Variants in SMAD5 observed in about 807,000 individuals in gnomAD.
The protein encoded by SMAD5 is MAD, mothers against decapentaplegic homolog 5.
A neutral mutation model predicts 43.1 loss-of-function variants in SMAD5; 9 were observed. That is an observed-to-expected ratio of 0.21 (90% confidence interval 0.13 to 0.36). SMAD5 has a LOEUF of 0.36. Among genes scored for constraint, SMAD5 ranks in the 10% least tolerant of loss-of-function variants. The pLI is 1.00. For synonymous variants in SMAD5, 190 were observed against 192.4 expected, an observed-to-expected ratio of 0.99 and a Z score of 0.10; for missense variants, 348 against 574.0, an observed-to-expected ratio of 0.61 and a Z score of 4.02.
rs6886699 is a variant in SMAD5, at chr5:136,180,050, T to C, written c.*2570T>C. 0.34 allele frequency: 51,002 copies of C among 152,064 alleles called. 9,064 individuals carry two copies. Among genetic ancestry groups the C allele is most frequent in the African/African-American group, 0.46 (19,001 of 41,466 alleles). The allele number at this position is 152,064 out of a possible 1,614,324, so 9.4% of individuals were successfully genotyped here. Reference sequence around the variant, plus strand: ...TGACAGTACTAAAGCTATTAACAACTAAGAGTTTGACAGAGAACTATAAGC... The same window carrying C: ...TGACAGTACTAAAGCTATTAACAACCAAGAGTTTGACAGAGAACTATAAGC... On this transcript the variant is annotated 3_prime_UTR_variant, in exon 8 of 8. Coordinates refer to ENST00000545279, the MANE Select transcript of SMAD5 (RefSeq NM_005903.7).
intron 3 of SMAD5, among the ~76,000 whole-genome samples, chr5:136,159,120 A>T (rs1334127127): frequency 6.6e-6 from 1 of 152,226 alleles, no homozygotes; most frequent in Non-Finnish European, 1.5e-5. Context: ...AGTACACTTG[A>T]TTCAGCAATG....
chr5:136,174,753 G>A, intron 7 of SMAD5, 121 bp downstream of exon 7: 2 of 649,904 alleles, frequency 3.1e-6, no homozygotes, highest in South Asian at 2.2e-5. Context: ...GATTTAACAG[G>A]TTTTTAAATA....
Position 136,132,978 on chromosome 5 carries a change from C to A in SMAD5, c.-245+16C>A, listed in dbSNP as rs1457130856. 1.3e-5 allele frequency: 2 copies of A among 152,290 alleles called. No homozygotes were observed. The highest frequency in any genetic ancestry group is 4.8e-5 in the African/African-American group (2 of 41,456). The allele number at this position is 152,290 out of a possible 1,614,324, so 9.4% of individuals were successfully genotyped here. ...CGGCTCGCGAGTGAGTGAGGGTCCC[C>A]GGCGCGCGCGGGCGAGGGGAACTGG... On this transcript the variant is annotated intron_variant, in intron 1 of 7. Coordinates refer to ENST00000545279, the MANE Select transcript of SMAD5 (RefSeq NM_005903.7).
chr5:136,145,973 G>A (rs1163386467), intron 1 of SMAD5, among the ~76,000 whole-genome samples: 2 of 151,748 alleles, frequency 1.3e-5, no homozygotes, highest in African/African-American at 2.4e-5. Flanking sequence ...ACTTCTTTTA[G>A]CGACCTTTAT....
chr5:136,155,989 G>A (rs944784711), intron 3 of SMAD5, among the ~76,000 whole-genome samples: 1 of 152,164 alleles, frequency 6.6e-6, no homozygotes, highest in Admixed American at 6.5e-5. Flanking sequence ...CACAATGCAT[G>A]TTTATTACCT....
chr5:136,139,854 C>G (rs546495527), intron 1 of SMAD5, among the ~76,000 whole-genome samples: 22 of 152,016 alleles, frequency 1.4e-4, no homozygotes, highest in African/African-American at 5.1e-4. Flanking sequence ...TGCCACTGCA[C>G]CTGGCTAATT....
intron 2 of SMAD5, among the ~76,000 whole-genome samples, chr5:136,150,238 CT>C: frequency 1.3e-5 from 2 of 151,818 alleles, no homozygotes; most frequent in Non-Finnish European, 2.9e-5. Flanking sequence ...CAGTCATGAC[CT>C]TTTCCCAGTG....
At chr5:136,161,309 A>G (rs1753819773) in intron 4 of SMAD5, among the ~76,000 whole-genome samples, 1 of 152,188 alleles carries the variant, frequency 6.6e-6, no homozygotes, top group Non-Finnish European at 1.5e-5. Context: ...AAATGGAAGT[A>G]GCCCTATTTG....
At position 136,141,516 on chromosome 5, in the gene SMAD5, A is replaced by G. The variant is rs567375240; in HGVS notation, c.-244-6316A>G. Among the ~76,000 whole-genome samples the G allele has an allele frequency of 1.1e-4, 16 of 151,832 alleles. No individual in the cohort carries two copies. The South Asian group carries it at 2.7e-3, about 26-fold the overall frequency. On this transcript the variant is annotated intron_variant, in intron 1 of 7. Transcript: ENST00000545279. Reference sequence around the variant, plus strand: ...TCCCGTTTGCATTTTTGCTATTCCCACTCTTCACTCATATAGTACCTTTGT... The same window carrying G: ...TCCCGTTTGCATTTTTGCTATTCCCGCTCTTCACTCATATAGTACCTTTGT...
intron 1 of SMAD5, among the ~76,000 whole-genome samples, chr5:136,146,461 AGG>A (rs1164486651): frequency 3.3e-5 from 5 of 151,816 alleles, no homozygotes; most frequent in African/African-American, 1.2e-4. Context: ...TGAAAGGCAA[AGG>A]GGGCATGAAA....
chr5:136,143,310 CAGTT>C (rs1753148082), intron 1 of SMAD5, among the ~76,000 whole-genome samples: 1 of 150,460 alleles, frequency 6.6e-6, no homozygotes, highest in African/African-American at 2.4e-5. Flanking sequence ...GTGTTCCTCT[CAGTT>C]AGGTTACTAC....
intron 3 of SMAD5, among the ~76,000 whole-genome samples, chr5:136,157,727 A>G (rs905263783): frequency 7.9e-5 from 12 of 152,266 alleles, no homozygotes; most frequent in African/African-American, 2.6e-4. Flanking sequence ...AGTGAGAGCA[A>G]TGGGGAGTGG....
chr5:136,162,310 G>T (rs1257256366), intron 4 of SMAD5, among the ~76,000 whole-genome samples: 1 of 152,158 alleles, frequency 6.6e-6, no homozygotes, highest in Admixed American at 6.5e-5. Flanking sequence ...CACAGACGTG[G>T]CCCTGGCTGG....
At chr5:136,154,235 T>A in intron 3 of SMAD5, 72 bp downstream of exon 3, 1 of 884,042 alleles carries the variant, frequency 1.1e-6, no homozygotes, top group Non-Finnish European at 1.6e-6. Flanking sequence ...TGCATGTAAC[T>A]AGATTTAGTA....
chr5:136,182,279 C>A lies in SMAD5; in HGVS notation c.*4799C>A, dbSNP rs532100625. On this transcript the variant is annotated 3_prime_UTR_variant, in exon 8 of 8. Transcript: ENST00000545279. Reference sequence around the variant, plus strand: ...AGGGTCAGATTTTCCCTTCTAATATCATTGAAGATGATGTTGCATTGATTT... The same window carrying A: ...AGGGTCAGATTTTCCCTTCTAATATAATTGAAGATGATGTTGCATTGATTT... 2.0e-5 allele frequency: 3 copies of A among 150,288 alleles called. No individual in the cohort carries two copies. In the South Asian group the frequency reaches 6.3e-4, roughly 32 times the overall value. 9.3% of individuals were successfully genotyped at this position (150,288 alleles called of 1,614,324 possible).
intron 1 of SMAD5, among the ~76,000 whole-genome samples, chr5:136,141,818 A>G (rs1753091022): frequency 6.6e-6 from 1 of 152,008 alleles, no homozygotes; most frequent in African/African-American, 2.4e-5. Context: ...CTTAGTTTCA[A>G]CCTCCAAATT....
intron 1 of SMAD5, among the ~76,000 whole-genome samples, chr5:136,139,364 A>G (rs1233907634): frequency 2.6e-5 from 4 of 152,120 alleles, no homozygotes; most frequent in Non-Finnish European, 5.9e-5. Flanking sequence ...CATATGGTTA[A>G]TGTGTATAAA....
intron 2 of SMAD5, among the ~76,000 whole-genome samples, chr5:136,148,224 A>G (rs1308996205): frequency 6.6e-6 from 1 of 151,226 alleles, no homozygotes; most frequent in Admixed American, 6.6e-5. Flanking sequence ...ACAGCCTTCA[A>G]TTTGACATTT....
At chr5:136,177,294 A>G (rs1362140114) in intron 7 of SMAD5, 43 bp from the exon 8 acceptor site, 1 of 1,598,174 alleles carries the variant, frequency 6.3e-7, no homozygotes, top group Admixed American at 1.7e-5. Context: ...AGTGGTTGAC[A>G]GTTTAAAGAG....
Sources: allele counts gnomAD v4.1 joint callset (sites outside exome capture counted in the v4.1 genomes callset), GRCh38; gene constraint gnomAD v4.1.1; transcripts MANE v1.5; gene names NCBI Gene and HGNC (gene_info 2026-07-23, HGNC 2026-07-21).